Variants in CCSER2 observed in about 807,000 individuals in gnomAD.
CCSER2 encodes coiled-coil serine rich protein 2, also known as serine-rich coiled-coil domain-containing protein 2.
Under a neutral mutation model 92.3 loss-of-function variants are expected in CCSER2, and 46 were observed. The ratio of observed to expected loss-of-function variants is 0.50; its 90% CI spans 0.39 to 0.64. CCSER2 has a LOEUF of 0.64. Ranked by LOEUF, CCSER2 falls within the 30% of genes least tolerant of loss-of-function variation. CCSER2 has a pLI of 0.00. For synonymous variants in CCSER2, 433 were observed against 431.4 expected, an observed-to-expected ratio of 1.00 and a Z score of -0.04; for missense variants, 1,244 against 1,238.9, an observed-to-expected ratio of 1.00 and a Z score of -0.06.
chr10:84,436,353 A>AAAAATG (rs59522717), intron 5 of CCSER2, among the ~76,000 whole-genome samples: 3 of 96,572 alleles, frequency 3.1e-5, no homozygotes, highest in Non-Finnish European at 4.3e-5. Context: ...AAAAAAAAAA[A>AAAAATG]TGCCGGGCGC....
At chr10:84,471,349 A>G (rs561038232) in intron 8 of CCSER2, among the ~76,000 whole-genome samples, 1 of 152,252 alleles carries the variant, frequency 6.6e-6, no homozygotes, top group South Asian at 2.1e-4. Flanking sequence ...AAGGAAAATA[A>G]TAAGGCCTAG....
At chr10:84,477,237 A>T (rs954063022) in intron 8 of CCSER2, among the ~76,000 whole-genome samples, 1 of 152,148 alleles carries the variant, frequency 6.6e-6, no homozygotes, top group Non-Finnish European at 1.5e-5. Flanking sequence ...GGTAATTTAG[A>T]TTATTCAAAA....
intron 3 of CCSER2, among the ~76,000 whole-genome samples, chr10:84,404,299 G>C (rs1278542641): frequency 5.3e-5 from 8 of 152,172 alleles, no homozygotes; most frequent in Non-Finnish European, 1.2e-4. Context: ...TCCTTTTGTT[G>C]ATGGGGAAGC....
intron 7 of CCSER2, 23 bp downstream of exon 7, chr10:84,464,039 G>A (rs11598369): frequency 0.21 from 288,006 of 1,359,026 alleles, 32,611 homozygotes; most frequent in Admixed American, 0.41. Context: ...AGTCATGCTG[G>A]ATTTTTCAAA....
intron 3 of CCSER2, among the ~76,000 whole-genome samples, chr10:84,375,254 A>G (rs769181447): frequency 2.3e-4 from 35 of 152,186 alleles, no homozygotes; most frequent in South Asian, 2.1e-4. Context: ...CTTAAGATCC[A>G]TGAGTTTCCT....
Position 84,389,162 on chromosome 10 carries a change from T to C in CCSER2, c.1614+15347T>C, listed in dbSNP as rs1841386694. 2.5e-5 allele frequency: 7 copies of C among 277,466 alleles called. No homozygotes were observed. The South Asian group carries it at 2.7e-4, about 11-fold the overall frequency. 17.2% of individuals were successfully genotyped at this position (277,466 alleles called of 1,614,324 possible). A position where few individuals can be genotyped will look rare whatever the true frequency, so the allele number is the denominator to read the frequency against. ...TTATTGAAATATTTTCCTTTGTGCT[T>C]CTTAACTAGCTGGCCATTCTACCGC... On this transcript the variant is annotated intron_variant, in intron 3 of 9. Transcript: ENST00000372088.
chr10:84,495,657 C>G (rs1385945883), intron 9 of CCSER2, among the ~76,000 whole-genome samples: 2 of 152,028 alleles, frequency 1.3e-5, no homozygotes, highest in Non-Finnish European at 2.9e-5. Flanking sequence ...GTTAGGATCA[C>G]TGTGTCTTCT....
intron 3 of CCSER2, among the ~76,000 whole-genome samples, chr10:84,416,529 G>T (rs1006260141): frequency 5.3e-5 from 8 of 152,000 alleles, no homozygotes; most frequent in Admixed American, 3.9e-4. Context: ...TTAGTCTTTG[G>T]AGGGCCCAAC....
At chr10:84,407,219 A>G (rs1295217914) in intron 3 of CCSER2, among the ~76,000 whole-genome samples, 3 of 152,216 alleles carry the variant, frequency 2.0e-5, no homozygotes, top group African/African-American at 7.2e-5. Flanking sequence ...ATTGGGCTTC[A>G]AAACTATGTA....
chr10:84,335,216 TTCTC>T (rs756732857), intron 1 of CCSER2, among the ~76,000 whole-genome samples: 2 of 124,208 alleles, frequency 1.6e-5, no homozygotes, highest in Non-Finnish European at 3.3e-5. Flanking sequence ...AGCATTCTAC[TTCTC>T]TCTCTCTCTT....
chr10:84,479,657 G>T (rs1007612536), intron 9 of CCSER2, among the ~76,000 whole-genome samples: 1 of 152,190 alleles, frequency 6.6e-6, no homozygotes, highest in Non-Finnish European at 1.5e-5. Context: ...AAAAATACAT[G>T]TGTAAATATA....
At chr10:84,430,129 A>G (rs1843683705) in intron 5 of CCSER2, among the ~76,000 whole-genome samples, 1 of 152,026 alleles carries the variant, frequency 6.6e-6, no homozygotes, top group Admixed American at 6.6e-5. Flanking sequence ...GTGTTTGCTT[A>G]GGCACACCTG....
rs1391983387 is a variant in CCSER2 at position 84,518,250 on chromosome 10, A to C, written c.*3983A>C. Reference sequence around the variant, plus strand: ...TCATTAACTGAAGATACATGTTTTAATCTTGTTGGGAATAAGCTTACCCAC... The same window carrying C: ...TCATTAACTGAAGATACATGTTTTACTCTTGTTGGGAATAAGCTTACCCAC... On this transcript the variant is annotated 3_prime_UTR_variant, in exon 10 of 10. Transcript: ENST00000372088. 6.6e-6 allele frequency: 1 copy of C among 152,536 alleles called. No individual in the cohort carries two copies. Among genetic ancestry groups the C allele is most frequent in the African/African-American group, 2.4e-5 (1 of 41,448 alleles). The allele number at this position is 152,536 out of a possible 1,614,324, so 9.4% of individuals were successfully genotyped here.
chr10:84,446,924 G>A (rs1345086505), intron 6 of CCSER2, among the ~76,000 whole-genome samples: 1 of 151,328 alleles, frequency 6.6e-6, no homozygotes, highest in Non-Finnish European at 1.5e-5. Flanking sequence ...ATTCATGTTT[G>A]GCTCTACTTC....
At chr10:84,388,450 G>A (rs1841345518) in intron 3 of CCSER2, among the ~76,000 whole-genome samples, 1 of 152,072 alleles carries the variant, frequency 6.6e-6, no homozygotes, top group Non-Finnish European at 1.5e-5. Context: ...TGAAGTGGTG[G>A]GAAGGGTTGG....
intron 6 of CCSER2, among the ~76,000 whole-genome samples, chr10:84,452,535 A>G (rs1013364988): frequency 1.6e-4 from 25 of 152,222 alleles, no homozygotes; most frequent in South Asian, 1.0e-3. Context: ...TTCTAACTAG[A>G]AACTGTAGAG....
At chr10:84,347,625 G>A (rs915897762) in intron 1 of CCSER2, among the ~76,000 whole-genome samples, 11 of 152,202 alleles carry the variant, frequency 7.2e-5, no homozygotes, top group African/African-American at 2.4e-4. Flanking sequence ...CCCGGATGGG[G>A]TGGCTGCTGG....
chr10:84,482,889 A>G (rs1416253168), intron 9 of CCSER2, among the ~76,000 whole-genome samples: 1 of 152,224 alleles, frequency 6.6e-6, no homozygotes, highest in African/African-American at 2.4e-5. Flanking sequence ...CTGAATGGGC[A>G]CAATTCGATC....
chr10:84,448,074 A>G (rs1845039641), intron 6 of CCSER2, among the ~76,000 whole-genome samples: 1 of 151,888 alleles, frequency 6.6e-6, no homozygotes, highest in South Asian at 2.1e-4. Flanking sequence ...TTGGACTCTG[A>G]TACTCCACAC....
Sources: allele counts gnomAD v4.1 joint callset (sites outside exome capture counted in the v4.1 genomes callset), GRCh38; gene constraint gnomAD v4.1.1; transcripts MANE v1.5; gene names NCBI Gene and HGNC (gene_info 2026-07-23, HGNC 2026-07-21).